ERBIN: variants seen among roughly 807,000 people sequenced by gnomAD.
The protein encoded by ERBIN is densin-180-like protein.
In ERBIN, 60 loss-of-function variants were observed where a neutral mutation model predicts 158.4. That is an observed-to-expected ratio of 0.38 (90% CI 0.31 to 0.47). The LOEUF is 0.47. Among genes scored for constraint, ERBIN ranks in the 20% least tolerant of loss-of-function variants. ERBIN has a pLI of 0.99. For synonymous variants in ERBIN, 594 were observed against 557.2 expected, an observed-to-expected ratio of 1.07 and a Z score of -0.93; for missense variants, 1,610 against 1,648.0, an observed-to-expected ratio of 0.98 and a Z score of 0.40.
intron 21 of ERBIN, among the ~76,000 whole-genome samples, chr5:66,057,554 T>A (rs2151251694): frequency 6.7e-6 from 1 of 148,920 alleles, no homozygotes; most frequent in African/African-American, 2.6e-5. Context: ...AGATTAAGGC[T>A]TTTTTTATTA....
chr5:65,956,790 C>T lies in ERBIN; in HGVS notation c.-58+29984C>T, dbSNP rs1227291121. Reference sequence around the variant, plus strand: ...GCTCTAGTCTGCCAATATTTTTTCACCCTGAAGCACAACGTAGCTGGAGTT... The same window carrying T: ...GCTCTAGTCTGCCAATATTTTTTCATCCTGAAGCACAACGTAGCTGGAGTT... On this transcript the variant is annotated intron_variant, in intron 1 of 25. Transcript: ENST00000284037. Among the ~76,000 whole-genome samples, 3 of 152,236 alleles carry T rather than the reference C, an allele frequency of 2.0e-5. No homozygotes were observed. The South Asian group carries it at 6.2e-4, about 32-fold the overall frequency.
Position 66,054,925 on chromosome 5 carries a change from C to A in ERBIN, c.3607C>A (p.His1203Asn), listed in dbSNP as rs1053574950. ...TGACTGGAGAGAACAAGTACTTCGA[C>A]ATATTGAAGCCAAAAAGTTAGAAAA... Reference protein sequence around the residue: ...PRDWREQVLRHIEAKKLEKKH... With the variant: ...PRDWREQVLRNIEAKKLEKKH... Residue 1203 changes from histidine to asparagine, a missense_variant, in exon 21 of 26, where the codon CAT becomes AAT. Coordinates refer to ENST00000284037, the MANE Select transcript of ERBIN (RefSeq NM_001253697.2). The A allele has an allele frequency of 1.3e-6, 2 of 1,584,044 alleles. No homozygotes were observed. Among genetic ancestry groups the A allele is most frequent in the Non-Finnish European group, 1.7e-6 (2 of 1,165,106 alleles).
In ERBIN at chr5:66,082,265, T is replaced by C. The variant is rs1478838518; in HGVS notation, c.*3735T>C. ...TTTTTTTAAGAGAACAACCTAGGTT[T>C]TATTGTAGAGAACAATCAAAATACT... is the stretch of plus-strand genomic sequence containing the variant. On this transcript the variant is annotated 3_prime_UTR_variant, in exon 26 of 26. Coordinates refer to ENST00000284037, the MANE Select transcript of ERBIN (RefSeq NM_001253697.2). 1 of 152,190 alleles carries C rather than the reference T, an allele frequency of 6.6e-6. No individual in the cohort carries two copies. Among genetic ancestry groups the C allele is most frequent in the African/African-American group, 2.4e-5 (1 of 41,454 alleles). 9.4% of individuals were successfully genotyped at this position (152,190 alleles called of 1,614,324 possible). A position where few individuals can be genotyped will look rare whatever the true frequency, so the allele number is the denominator to read the frequency against.
chr5:65,957,223 TATTTTA>T (rs201467349), intron 1 of ERBIN, among the ~76,000 whole-genome samples: 3,885 of 151,932 alleles, frequency 0.026, 169 homozygotes, highest in African/African-American at 0.09. Flanking sequence ...TATTTTATTT[TATTTTA>T]TTTTTTTTAT....
chr5:65,992,985 A>G (rs1752038411), intron 3 of ERBIN, 78 bp downstream of exon 3: 1 of 1,133,238 alleles, frequency 8.8e-7, no homozygotes. Flanking sequence ...ATATTGCTAT[A>G]AAGTTGCCAA....
chr5:66,054,974 T>C (rs779368391), intron 21 of ERBIN, 23 bp downstream of exon 21: 2 of 1,520,124 alleles, frequency 1.3e-6, no homozygotes, highest in Admixed American at 4.4e-5. Flanking sequence ...GAGTTTTTCA[T>C]TATTTTCTTT....
intron 15 of ERBIN, among the ~76,000 whole-genome samples, chr5:66,041,507 T>C (rs1757914550): frequency 6.6e-6 from 1 of 151,986 alleles, no homozygotes; most frequent in African/African-American, 2.4e-5. Flanking sequence ...GAGTAGCCTC[T>C]AGAATGGATA....
At chr5:66,044,420 C>A in intron 17 of ERBIN, 110 bp downstream of exon 17, 1 of 996,024 alleles carries the variant, frequency 1.0e-6, no homozygotes, top group Non-Finnish European at 1.5e-6. Context: ...TCATGCACCA[C>A]AGAATGATAT....
At chr5:65,977,168 G>T (rs1260150698) in intron 1 of ERBIN, among the ~76,000 whole-genome samples, 1 of 149,004 alleles carries the variant, frequency 6.7e-6, no homozygotes, top group African/African-American at 2.5e-5. Flanking sequence ...CCTCCCTCCC[G>T]GACGGGGCGG....
At chr5:66,034,209 C>T (rs553896442) in intron 14 of ERBIN, among the ~76,000 whole-genome samples, 88 of 151,402 alleles carry the variant, frequency 5.8e-4, no homozygotes, top group Admixed American at 1.1e-3. Context: ...TTGGAGAGAG[C>T]TTGGGTATGA....
intron 22 of ERBIN, among the ~76,000 whole-genome samples, chr5:66,074,005 A>G (rs1761757152): frequency 1.3e-5 from 2 of 150,568 alleles, no homozygotes; most frequent in Admixed American, 1.3e-4. Context: ...GAGCCTCCCA[A>G]GGAGCTGGGA....
intron 21 of ERBIN, among the ~76,000 whole-genome samples, chr5:66,061,148 T>TA (rs1319022283): frequency 6.6e-6 from 1 of 152,188 alleles, no homozygotes; most frequent in Non-Finnish European, 1.5e-5. Context: ...AGTGGGGTGT[T>TA]AAAGTCTCCC....
chr5:65,941,214 G>T (rs1226357683), intron 1 of ERBIN, among the ~76,000 whole-genome samples: 1 of 150,938 alleles, frequency 6.6e-6, no homozygotes, highest in Non-Finnish European at 1.5e-5. Flanking sequence ...ATGAAAACCA[G>T]AGACCTTTGT....
chr5:65,987,007 A>C (rs1227958562), intron 1 of ERBIN, among the ~76,000 whole-genome samples: 4 of 152,216 alleles, frequency 2.6e-5, no homozygotes, highest in Non-Finnish European at 5.9e-5. Flanking sequence ...AGCACTAGAT[A>C]CTGTGTACAC....
rs915342128 is a variant in ERBIN, at chr5:65,987,230, G to T, written c.-57-1405G>T. On this transcript the variant is annotated intron_variant, in intron 1 of 25. Transcript: ENST00000284037. The stretch of plus-strand genomic sequence containing the variant: ...TGGTAATTGAGCTGGGCCCCTTACT[G>T]CCCTGAATAGTCTAGAGTCTTGAAA... Among the ~76,000 whole-genome samples the T allele has an allele frequency of 4.6e-5, 7 of 152,014 alleles. No homozygotes were observed. The South Asian group carries it at 1.5e-3, about 31-fold the overall frequency.
At position 66,054,089 on chromosome 5, in the gene ERBIN, TGCA is replaced by T; in HGVS notation, c.2773_2775del (p.Gln925del). 1 of 1,614,188 alleles carries T rather than the reference TGCA, an allele frequency of 6.2e-7. No homozygotes were observed. Among genetic ancestry groups the T allele is most frequent in the East Asian group, 2.2e-5 (1 of 44,884 alleles). ...GCCACACTGTTGTATGATCAACCAT[TGCA>T]GGTATTTACTGGTTCTTCCTCATCT... On this transcript the variant is annotated inframe_deletion, in exon 21 of 26. Transcript: ENST00000284037.
At chr5:66,048,962 T>A (rs1443582656) in intron 19 of ERBIN, among the ~76,000 whole-genome samples, 181 bp downstream of exon 19, 1 of 152,056 alleles carries the variant, frequency 6.6e-6, no homozygotes, top group Non-Finnish European at 1.5e-5. Flanking sequence ...TCCTTGATAG[T>A]CTTTTCTTTC....
At chr5:66,062,389 C>A (rs902968671) in intron 21 of ERBIN, among the ~76,000 whole-genome samples, 3 of 152,166 alleles carry the variant, frequency 2.0e-5, no homozygotes, top group Non-Finnish European at 4.4e-5. Flanking sequence ...GTTTTCAGCT[C>A]CATCGGGTCC....
intron 1 of ERBIN, among the ~76,000 whole-genome samples, chr5:65,937,805 A>T (rs538307914): frequency 2.3e-4 from 35 of 152,266 alleles, no homozygotes; most frequent in African/African-American, 8.2e-4. Context: ...GCTACTCGGG[A>T]GGCTGAGGCA....
Sources: allele counts gnomAD v4.1 joint callset (sites outside exome capture counted in the v4.1 genomes callset), GRCh38; gene constraint gnomAD v4.1.1; transcripts MANE v1.5; gene names NCBI Gene and HGNC (gene_info 2026-07-23, HGNC 2026-07-21).